PDE1C: variants seen among roughly 807,000 people sequenced by gnomAD.
PDE1C encodes the protein phosphodiesterase 1C.
In PDE1C, 62 loss-of-function variants were observed where a neutral mutation model predicts 93.1. The observed-to-expected ratio is 0.67, with a 90% CI of 0.54 to 0.82. The LOEUF (loss-of-function observed/expected upper bound fraction) is 0.82, where lower values mean the gene tolerates loss of function less well. Ranked by LOEUF, PDE1C falls within the 40% of genes least tolerant of loss-of-function variation. The pLI, the probability that PDE1C is intolerant of heterozygous loss-of-function variation, is 0.00. For synonymous variants in PDE1C, 325 were observed against 310.1 expected (o/e 1.05, Z -0.50); for missense variants, 742 against 884.6 (o/e 0.84, Z 2.04).
the PDE1C span, among the ~76,000 whole-genome samples, chr7:31,692,112 A>T: frequency 1.3e-5 from 2 of 152,186 alleles, no homozygotes; most frequent in Non-Finnish European, 2.9e-5. Context: ...CAGACTTGAC[A>T]ATTGCTTATT....
At chr7:31,704,564 G>A in the PDE1C span, among the ~76,000 whole-genome samples, 2 of 152,176 alleles carry the variant, frequency 1.3e-5, no homozygotes, top group African/African-American at 4.8e-5. Context: ...AGAATCTCAC[G>A]GTTCAATAGC....
chr7:32,416,377 C>A (rs1000741049), intron 1 of PDE1C, among the ~76,000 whole-genome samples: 4 of 152,168 alleles, frequency 2.6e-5, no homozygotes, highest in Admixed American at 6.5e-5. Flanking sequence ...AGCCATCCCC[C>A]CTCCCTGTTC....
At chr7:31,867,029 C>T (rs966072684) in intron 6 of PDE1C, among the ~76,000 whole-genome samples, 3 of 152,124 alleles carry the variant, frequency 2.0e-5, no homozygotes, top group South Asian at 4.1e-4. Flanking sequence ...CCAGCCCCCA[C>T]CAGACTGCAT....
chr7:32,075,858 T>A (rs143007972), upstream of PDE1C, among the ~76,000 whole-genome samples: 1 of 152,128 alleles, frequency 6.6e-6, no homozygotes, highest in African/African-American at 2.4e-5. Context: ...ATCCTTCCGA[T>A]AGAGGTGGCA....
At chr7:32,301,341 A>G (rs1812877451), upstream of PDE1C, among the ~76,000 whole-genome samples, 1 of 152,046 alleles carries the variant, frequency 6.6e-6, no homozygotes, top group Non-Finnish European at 1.5e-5. Flanking sequence ...GTCTATTGCA[A>G]TGGAAATTTT....
At chr7:31,963,512 T>C (rs183064420) in intron 2 of PDE1C, among the ~76,000 whole-genome samples, 108 of 152,338 alleles carry the variant, frequency 7.1e-4, no homozygotes, top group Middle Eastern at 3.4e-3. Context: ...GAGTTACTCT[T>C]AGAACTATAT....
intron 1 of PDE1C, among the ~76,000 whole-genome samples, chr7:32,246,398 T>C (rs528926386): frequency 1.3e-3 from 199 of 152,168 alleles, no homozygotes; most frequent in African/African-American, 4.6e-3. Context: ...AGGGGGCAGA[T>C]GTGTATTCTC....
intron 2 of PDE1C, among the ~76,000 whole-genome samples, chr7:32,020,161 T>C (rs1011148785): frequency 6.6e-6 from 1 of 152,110 alleles, no homozygotes. Flanking sequence ...GGCCCCAGGA[T>C]AAACACTGAA....
At chr7:32,139,146 GT>G (rs1266984988) in intron 3 of PDE1C, among the ~76,000 whole-genome samples, 2 of 151,886 alleles carry the variant, frequency 1.3e-5, no homozygotes, top group Non-Finnish European at 2.9e-5. Flanking sequence ...ATCAATCTTT[GT>G]TTTTTAGAAA....
chr7:31,619,758 G>C, the PDE1C span, among the ~76,000 whole-genome samples: 6 of 152,124 alleles, frequency 3.9e-5, no homozygotes, highest in Non-Finnish European at 7.3e-5. Flanking sequence ...AGTGGGCGCA[G>C]GTCAGTGGGT....
At chr7:32,133,429 A>T (rs1468762478) in intron 3 of PDE1C, among the ~76,000 whole-genome samples, 1 of 152,164 alleles carries the variant, frequency 6.6e-6, no homozygotes, top group African/African-American at 2.4e-5. Context: ...GGTAGGGAAG[A>T]AGATAGTGAA....
rs75187853 is a variant in PDE1C, at chr7:32,167,853, G to A, written c.308+1932C>T. Among the ~76,000 whole-genome samples the A allele has an allele frequency of 6.4e-3, 969 of 152,206 alleles. 9 individuals carry two copies. Among genetic ancestry groups the A allele is most frequent in the African/African-American group, 0.023 (938 of 41,528 alleles). On this transcript the variant is annotated intron_variant, in intron 3 of 18. Transcript: ENST00000396193. ...TCAATGGTAATGACCCTACAGAGGAGCTGTAGGGTAACCTTGATTATGCTC... is the reference window on the plus strand; with the variant it reads ...TCAATGGTAATGACCCTACAGAGGAACTGTAGGGTAACCTTGATTATGCTC...
At chr7:32,300,582 T>C (rs1812858839), upstream of PDE1C, among the ~76,000 whole-genome samples, 1 of 152,182 alleles carries the variant, frequency 6.6e-6, no homozygotes, top group African/African-American at 2.4e-5. Flanking sequence ...TCCCTGAGTC[T>C]TACTTTCCTC....
At chr7:31,883,865 CCCTGATGTA>C (rs1409543720) in intron 2 of PDE1C, among the ~76,000 whole-genome samples, 3 of 152,306 alleles carry the variant, frequency 2.0e-5, no homozygotes, top group Admixed American at 2.0e-4. Flanking sequence ...AGAGGCTTCT[CCCTGATGTA>C]GTCACCAGTG....
intron 1 of PDE1C, among the ~76,000 whole-genome samples, chr7:32,343,586 T>A (rs1019439163): frequency 6.6e-6 from 1 of 152,212 alleles, no homozygotes; most frequent in Admixed American, 6.5e-5. Flanking sequence ...ACAACTCAAG[T>A]TGACATAAAA....
chr7:32,068,856 T>C (rs1795702779), intron 1 of PDE1C, among the ~76,000 whole-genome samples: 2 of 152,142 alleles, frequency 1.3e-5, no homozygotes, highest in Non-Finnish European at 2.9e-5. Flanking sequence ...ATTATACACT[T>C]TGGGCCCAGA....
chr7:31,643,326 T>G, the PDE1C span: 1 of 1,613,978 alleles, frequency 6.2e-7, no homozygotes, highest in Non-Finnish European at 8.5e-7. Flanking sequence ...TCACACCTTA[T>G]GCAACTGACC....
At chr7:32,071,472 T>C, upstream of PDE1C, 1 of 953,682 alleles carries the variant, frequency 1.0e-6, no homozygotes, top group Non-Finnish European at 1.2e-6. Context: ...CTCTCCTCCC[T>C]CATTCCCTCC....
intron 1 of PDE1C, among the ~76,000 whole-genome samples, chr7:32,237,496 G>A (rs1443501499): frequency 1.3e-5 from 2 of 151,690 alleles, no homozygotes; most frequent in Non-Finnish European, 2.9e-5. Context: ...CTCTTACTCT[G>A]GTGGTACACA....
Sources: allele counts gnomAD v4.1 joint callset (sites outside exome capture counted in the v4.1 genomes callset), GRCh38; gene constraint gnomAD v4.1.1; transcripts MANE v1.5; gene names NCBI Gene and HGNC (gene_info 2026-07-23, HGNC 2026-07-21).